The following REDIC1 variants were observed in gnomAD, a reference collection of about 807,000 sequenced individuals.
REDIC1 encodes HEI10 Interacting Protein 1.
chr12:39,876,190 C>T, the REDIC1 span, among the ~76,000 whole-genome samples: 10 of 152,122 alleles, frequency 6.6e-5, no homozygotes, highest in South Asian at 8.3e-4. Flanking sequence ...CAGCCAAGGC[C>T]GGAAATCTAC....
chr12:39,710,712 G>A, the REDIC1 span, among the ~76,000 whole-genome samples: 1 of 151,588 alleles, frequency 6.6e-6, no homozygotes, highest in Non-Finnish European at 1.5e-5. Context: ...ATCACACTTA[G>A]CTGCCTACTA....
At chr12:39,788,858 T>G in the REDIC1 span, among the ~76,000 whole-genome samples, 6 of 152,174 alleles carry the variant, frequency 3.9e-5, no homozygotes, top group Non-Finnish European at 7.4e-5. Flanking sequence ...CTTCAACTAC[T>G]CATCTACATG....
the REDIC1 span, among the ~76,000 whole-genome samples, chr12:39,876,356 A>C: frequency 1.3e-5 from 2 of 152,218 alleles, no homozygotes; most frequent in Non-Finnish European, 2.9e-5. Context: ...TGAATACTTC[A>C]TATGCTTAAC....
chr12:39,904,109 A>T, the REDIC1 span, among the ~76,000 whole-genome samples: 3 of 152,132 alleles, frequency 2.0e-5, no homozygotes, highest in Non-Finnish European at 1.5e-5. Context: ...GAAGTTGAGG[A>T]AGCCAAGCCC....
the REDIC1 span, among the ~76,000 whole-genome samples, chr12:39,847,573 C>A: frequency 5.3e-5 from 8 of 152,176 alleles, no homozygotes; most frequent in Admixed American, 5.2e-4. Flanking sequence ...GCCACCCTGG[C>A]CCATGTGGTG....
chr12:39,891,163 C>G, the REDIC1 span, among the ~76,000 whole-genome samples: 1 of 149,266 alleles, frequency 6.7e-6, no homozygotes, highest in East Asian at 1.9e-4. Flanking sequence ...ATCTAGGATG[C>G]TTGTCCTCTG....
At chr12:39,816,616 A>G in the REDIC1 span, among the ~76,000 whole-genome samples, 1 of 133,018 alleles carries the variant, frequency 7.5e-6, no homozygotes, top group Non-Finnish European at 1.7e-5. Context: ...AGGGTAAGTA[A>G]TACAAGAATT....
At chr12:39,771,851 C>A in the REDIC1 span, among the ~76,000 whole-genome samples, 1 of 152,128 alleles carries the variant, frequency 6.6e-6, no homozygotes, top group East Asian at 1.9e-4. Context: ...TACTCCTGTA[C>A]ACAATCCTTT....
chr12:39,678,384 C>A, the REDIC1 span, among the ~76,000 whole-genome samples: 1 of 151,430 alleles, frequency 6.6e-6, no homozygotes, highest in Non-Finnish European at 1.5e-5. Context: ...TAGATCAAAC[C>A]AGGAAGAAAT....
the REDIC1 span, among the ~76,000 whole-genome samples, chr12:39,716,553 T>G: frequency 6.6e-6 from 1 of 152,040 alleles, no homozygotes; most frequent in Non-Finnish European, 1.5e-5. Context: ...GCTACAAATC[T>G]TTTAAGGGTA....
At chr12:39,722,764 G>A in the REDIC1 span, among the ~76,000 whole-genome samples, 1 of 152,138 alleles carries the variant, frequency 6.6e-6, no homozygotes, top group East Asian at 1.9e-4. Flanking sequence ...TACAGTGACA[G>A]CAGAGTAAAG....
the REDIC1 span, among the ~76,000 whole-genome samples, chr12:39,743,804 A>C: frequency 6.6e-6 from 1 of 152,212 alleles, no homozygotes; most frequent in African/African-American, 2.4e-5. Flanking sequence ...AGATCAAAAC[A>C]ATAAAAAATA....
chr12:39,900,782 C>A, the REDIC1 span, among the ~76,000 whole-genome samples: 1 of 152,124 alleles, frequency 6.6e-6, no homozygotes, highest in Non-Finnish European at 1.5e-5. Flanking sequence ...TTTATAGATT[C>A]AATGCCATCC....
chr12:39,783,946 G>A, the REDIC1 span, among the ~76,000 whole-genome samples: 1 of 152,140 alleles, frequency 6.6e-6, no homozygotes, highest in Non-Finnish European at 1.5e-5. Flanking sequence ...CAAACAGAGA[G>A]CCAAATCATG....
At chr12:39,718,202 C>T in the REDIC1 span, among the ~76,000 whole-genome samples, 2 of 152,012 alleles carry the variant, frequency 1.3e-5, no homozygotes, top group African/African-American at 4.8e-5. Context: ...TCGCATTGAC[C>T]ATCCTTTCCA....
At chr12:39,905,849 G>C in the REDIC1 span, among the ~76,000 whole-genome samples, 1 of 149,000 alleles carries the variant, frequency 6.7e-6, no homozygotes, top group African/African-American at 2.5e-5. Context: ...CACTTCTATG[G>C]ATAACTTATT....
the REDIC1 span, among the ~76,000 whole-genome samples, chr12:39,751,083 G>GC: frequency 2.6e-5 from 4 of 152,156 alleles, no homozygotes; most frequent in Non-Finnish European, 5.9e-5. Flanking sequence ...AAACTAAAGA[G>GC]CTTCTGCACA....
chr12:39,867,074 T>C, the REDIC1 span, among the ~76,000 whole-genome samples: 1 of 152,176 alleles, frequency 6.6e-6, no homozygotes, highest in African/African-American at 2.4e-5. Flanking sequence ...AGAAAAGAGA[T>C]ATAATAGGTC....
chr12:39,696,895 A>G, the REDIC1 span, among the ~76,000 whole-genome samples: 1 of 152,118 alleles, frequency 6.6e-6, no homozygotes, highest in African/African-American at 2.4e-5. Flanking sequence ...ACAAAAGAAA[A>G]AATAAAAAAG....
Sources: gnomAD v4.1 joint callset for allele counts (sites outside exome capture counted in the v4.1 genomes callset) on GRCh38, gnomAD v4.1.1 for gene constraint, MANE v1.5 for transcripts, NCBI Gene and HGNC (gene_info 2026-07-23, HGNC 2026-07-21) for gene names.